The following NKD1 variants were observed in gnomAD, a reference collection of about 807,000 sequenced individuals.
NKD1 encodes the protein protein naked cuticle homolog 1.
Under a neutral mutation model 56.0 loss-of-function variants are expected in NKD1, and 21 were observed. The ratio of observed to expected loss-of-function variants is 0.38; its 90% CI spans 0.27 to 0.54. The LOEUF is 0.54. NKD1 is among the 20% of genes least tolerant of loss of function. The pLI, the probability that NKD1 is intolerant of heterozygous loss-of-function variation, is 0.82. For synonymous variants in NKD1, 263 were observed against 265.7 expected (o/e 0.99, Z 0.10); for missense variants, 578 against 642.7 (o/e 0.90, Z 1.09).
At chr16:50,592,069 G>A (rs1961378469) in intron 3 of NKD1, among the ~76,000 whole-genome samples, 1 of 152,222 alleles carries the variant, frequency 6.6e-6, no homozygotes, top group Non-Finnish European at 1.5e-5. Flanking sequence ...CAGTGACTTG[G>A]CTGCCGCTGA....
intron 1 of NKD1, 58 bp downstream of exon 1, chr16:50,548,636 G>A: frequency 6.9e-7 from 1 of 1,452,832 alleles, no homozygotes; most frequent in Non-Finnish European, 9.0e-7. Context: ...CGCCGCGGTC[G>A]CTAACTCTCT....
intron 3 of NKD1, among the ~76,000 whole-genome samples, chr16:50,576,725 C>CA (rs1273339770): frequency 6.9e-6 from 1 of 143,976 alleles, no homozygotes; most frequent in African/African-American, 2.6e-5. Context: ...TTTTACAAGT[C>CA]AATCATATCT....
rs942652296 is a variant in NKD1 at position 50,623,333 on chromosome 16, G to C, written c.366+1625G>C. ...AGCACAGGAGCACTCCAGCCTCCAA[G>C]AGGCTTGAAGGCTCGCCTGAGGAGG... On this transcript the variant is annotated intron_variant, in intron 5 of 9. Coordinates refer to ENST00000268459, the MANE Select transcript of NKD1 (RefSeq NM_033119.5). The surrounding 1 kb of genome is among the most constrained non-coding windows in gnomAD (Gnocchi z 4.1). 6.6e-6 allele frequency among the ~76,000 whole-genome samples: 1 copy of C among 152,152 alleles called. No homozygotes were observed. Among genetic ancestry groups the C allele is most frequent in the Non-Finnish European group, 1.5e-5 (1 of 68,010 alleles).
At chr16:50,625,348 T>C in intron 5 of NKD1, 137 bp from the exon 6 acceptor site, 1 of 673,720 alleles carries the variant, frequency 1.5e-6, no homozygotes, top group South Asian at 1.7e-5. Flanking sequence ...GCCAAAGTGC[T>C]CCCTGTCCAC....
At chr16:50,594,972 AAC>A (rs1244913151) in intron 3 of NKD1, among the ~76,000 whole-genome samples, 26 of 152,202 alleles carry the variant, frequency 1.7e-4, no homozygotes. Flanking sequence ...GCATTCCCCA[AAC>A]GTCCTGGGCC....
At chr16:50,597,314 G>C (rs1486756927) in intron 3 of NKD1, among the ~76,000 whole-genome samples, 1 of 152,066 alleles carries the variant, frequency 6.6e-6, no homozygotes, top group African/African-American at 2.4e-5. Flanking sequence ...AGGTTTGGGG[G>C]CCGCCAGGCG....
intron 3 of NKD1, among the ~76,000 whole-genome samples, chr16:50,605,448 T>G (rs931480760): frequency 6.6e-6 from 1 of 152,234 alleles, no homozygotes; most frequent in South Asian, 2.1e-4. Flanking sequence ...AGGGGGCTAA[T>G]AAATACACGC....
chr16:50,559,979 G>A (rs931369701), intron 3 of NKD1, among the ~76,000 whole-genome samples: 3 of 152,258 alleles, frequency 2.0e-5, no homozygotes, highest in Non-Finnish European at 2.9e-5. Context: ...CAGAGGCCTC[G>A]GCTTGCGGTG....
intron 3 of NKD1, among the ~76,000 whole-genome samples, chr16:50,602,765 T>C (rs8057248): frequency 1.3e-5 from 2 of 152,264 alleles, no homozygotes; most frequent in African/African-American, 4.8e-5. Flanking sequence ...CTCCTTTGCC[T>C]GTCCTGTGGT....
At chr16:50,616,732 G>A (rs896987242) in intron 4 of NKD1, among the ~76,000 whole-genome samples, 2 of 152,204 alleles carry the variant, frequency 1.3e-5, no homozygotes, top group East Asian at 3.8e-4. Context: ...AGAATAAAGT[G>A]CTAGACTGAA....
chr16:50,628,382 G>A (rs759608913), intron 6 of NKD1, among the ~76,000 whole-genome samples: 6 of 152,212 alleles, frequency 3.9e-5, no homozygotes, highest in African/African-American at 9.7e-5. Context: ...CTGGGGCTGC[G>A]CTGGGGTTGC....
At chr16:50,589,035 A>G (rs1036700493) in intron 3 of NKD1, among the ~76,000 whole-genome samples, 6 of 152,154 alleles carry the variant, frequency 3.9e-5, no homozygotes, top group African/African-American at 1.4e-4. Flanking sequence ...CATCTGGCAC[A>G]TGGTCAGTGC....
chr16:50,629,167 TGC>T (rs1749184184), intron 6 of NKD1, among the ~76,000 whole-genome samples: 2 of 152,168 alleles, frequency 1.3e-5, no homozygotes, highest in Admixed American at 1.3e-4. Flanking sequence ...AATGTTATGT[TGC>T]CCAGGCTGGT....
At chr16:50,619,921 A>G (rs1377101072) in intron 4 of NKD1, among the ~76,000 whole-genome samples, 1 of 152,220 alleles carries the variant, frequency 6.6e-6, no homozygotes, top group Non-Finnish European at 1.5e-5. Flanking sequence ...TTGAGCCATG[A>G]AAGGCATGGA....
Position 50,623,766 on chromosome 16 carries a change from C to T in NKD1, c.367-1719C>T, listed in dbSNP as rs1596753120. 7.3e-6 allele frequency among the ~76,000 whole-genome samples: 1 copy of T among 136,630 alleles called. No individual in the cohort carries two copies. The highest frequency in any genetic ancestry group is 1.5e-5 in the Non-Finnish European group (1 of 64,568). 89.6% of individuals were successfully genotyped at this position (136,630 alleles called of 152,430 possible). A position where few individuals can be genotyped will look rare whatever the true frequency, so the allele number is the denominator to read the frequency against. ...GTGTGTGTGTGTGTGTGTGTGTGTACACAGGTATGTGAGCGTAGGATGTGC... is the reference window on the plus strand; with the variant it reads ...GTGTGTGTGTGTGTGTGTGTGTGTATACAGGTATGTGAGCGTAGGATGTGC... On this transcript the variant is annotated intron_variant, in intron 5 of 9. Coordinates refer to ENST00000268459, the MANE Select transcript of NKD1 (RefSeq NM_033119.5). This position sits in a 1 kb window ranked among gnomAD's most constrained non-coding sequence, Gnocchi z 4.1.
At position 50,635,396 on chromosome 16, in the gene NKD1, C is replaced by G. The variant is rs868621619; in HGVS notation, c.*1615C>G. The G allele has an allele frequency of 2.0e-5, 3 of 152,374 alleles. 1 individual carries two copies. The Middle Eastern group carries it at 0.01, about 515-fold the overall frequency. The allele number at this position is 152,374 out of a possible 1,614,324, so 9.4% of individuals were successfully genotyped here. On this transcript the variant is annotated 3_prime_UTR_variant, in exon 10 of 10. Transcript: ENST00000268459. The surrounding 1 kb of genome is among the most constrained non-coding windows in gnomAD (Gnocchi z 4.1). The stretch of plus-strand genomic sequence containing the variant: ...AGCTTGTTGATGTGGGTCACACGGG[C>G]ATGTTCCCAGGTCAGAGAGGAGAGT...
chr16:50,582,668 C>T (rs1181598115), intron 3 of NKD1, among the ~76,000 whole-genome samples: 4 of 152,248 alleles, frequency 2.6e-5, no homozygotes, highest in Non-Finnish European at 5.9e-5. Flanking sequence ...AATGCATATG[C>T]TGCAGACCCA....
At chr16:50,600,421 C>T (rs1045121631) in intron 3 of NKD1, among the ~76,000 whole-genome samples, 1 of 151,818 alleles carries the variant, frequency 6.6e-6, no homozygotes, top group African/African-American at 2.4e-5. Flanking sequence ...TGTGATCATG[C>T]GACTGCACTC....
rs376976242 is a variant in NKD1 at position 50,598,705 on chromosome 16, C to T, written c.193-9589C>T. On this transcript the variant is annotated intron_variant, in intron 3 of 9. Coordinates refer to ENST00000268459, the MANE Select transcript of NKD1 (RefSeq NM_033119.5). The surrounding 1 kb of genome is among the most constrained non-coding windows in gnomAD (Gnocchi z 4.2). ...TCGGGCCTCTCCTCTTATCAGCACTCGGCTGTGTGGCGTGGCGGGCCAGTG... is the reference window on the plus strand; with the variant it reads ...TCGGGCCTCTCCTCTTATCAGCACTTGGCTGTGTGGCGTGGCGGGCCAGTG... Among the ~76,000 whole-genome samples the T allele has an allele frequency of 3.9e-5, 6 of 152,194 alleles. No homozygotes were observed. The South Asian group carries it at 6.2e-4, about 16-fold the overall frequency.
Sources: allele counts gnomAD v4.1 joint callset (sites outside exome capture counted in the v4.1 genomes callset), GRCh38; gene constraint gnomAD v4.1.1; non-coding constraint Gnocchi (gnomAD v3.1); transcripts MANE v1.5; gene names NCBI Gene and HGNC (gene_info 2026-07-23, HGNC 2026-07-21).